The following DPP6 variants were observed in gnomAD, a reference collection of about 807,000 sequenced individuals.
DPP6 encodes the protein dipeptidyl peptidase like 6, also known as A-type potassium channel modulatory protein DPP6.
Under a neutral mutation model 122.6 loss-of-function variants are expected in DPP6, and 69 were observed. The observed-to-expected ratio is 0.56, with a 90% confidence interval of 0.46 to 0.69. The LOEUF is 0.69. Among genes scored for constraint, DPP6 ranks in the 30% least tolerant of loss-of-function variants. The pLI is 0.00. For synonymous variants in DPP6, 418 were observed against 433.1 expected (o/e 0.97, Z 0.43); for missense variants, 928 against 1,116.9 (o/e 0.83, Z 2.41).
chr7:154,417,393 A>C (rs1455090979), intron 1 of DPP6, among the ~76,000 whole-genome samples: 2 of 152,220 alleles, frequency 1.3e-5, no homozygotes, highest in African/African-American at 2.4e-5. Flanking sequence ...ATTTAAATGC[A>C]CAAGCCCCTA....
chr7:154,239,095 A>T (rs555495588), intron 1 of DPP6, among the ~76,000 whole-genome samples: 42 of 152,354 alleles, frequency 2.8e-4, no homozygotes, highest in African/African-American at 1.0e-3. Flanking sequence ...CAAGCTCCAC[A>T]AGAATGTTTT....
intron 1 of DPP6, among the ~76,000 whole-genome samples, chr7:154,149,670 A>G (rs529756208): frequency 6.6e-6 from 1 of 152,234 alleles, no homozygotes; most frequent in Non-Finnish European, 1.5e-5. Context: ...AAGAAGAAAC[A>G]GAAAAGATTA....
intron 1 of DPP6, among the ~76,000 whole-genome samples, chr7:154,262,661 A>G (rs1463786499): frequency 4.0e-5 from 4 of 99,038 alleles, no homozygotes; most frequent in African/African-American, 2.1e-4. Context: ...AGTTCAAAAA[A>G]AAAAAAAAAA....
intron 3 of DPP6, among the ~76,000 whole-genome samples, chr7:154,536,990 A>G (rs1357777280): frequency 1.3e-5 from 2 of 152,198 alleles, no homozygotes; most frequent in Non-Finnish European, 2.9e-5. Context: ...GAAAATATAT[A>G]GGAGAACATT....
At chr7:154,882,367 C>T (rs762496764) in intron 21 of DPP6, among the ~76,000 whole-genome samples, 10 of 152,214 alleles carry the variant, frequency 6.6e-5, no homozygotes, top group Non-Finnish European at 1.2e-4. Flanking sequence ...GGATCCCGGG[C>T]GTCTTTCCAG....
At chr7:153,937,155 CTGGTCTCAAGT>C (rs1448003480) in intron 1 of DPP6, among the ~76,000 whole-genome samples, 1 of 152,150 alleles carries the variant, frequency 6.6e-6, no homozygotes, top group Non-Finnish European at 1.5e-5. Context: ...GGAAAGTAGT[CTGGTCTCAAGT>C]TCTAGGGCCA....
intron 3 of DPP6, among the ~76,000 whole-genome samples, chr7:154,536,173 A>G (rs1347980239): frequency 6.6e-6 from 1 of 152,158 alleles, no homozygotes; most frequent in Non-Finnish European, 1.5e-5. Context: ...CATTATGGTA[A>G]GTGAAAGGAG....
chr7:154,599,789 C>A (rs1359172307), intron 5 of DPP6, among the ~76,000 whole-genome samples: 5 of 151,780 alleles, frequency 3.3e-5, no homozygotes, highest in African/African-American at 4.8e-5. Context: ...TCTGTTCTTG[C>A]GATAGTTTGC....
intron 3 of DPP6, among the ~76,000 whole-genome samples, chr7:154,530,619 A>G (rs1827767087): frequency 1.3e-5 from 2 of 152,328 alleles, no homozygotes; most frequent in South Asian, 2.1e-4. Context: ...AATACCATTT[A>G]ACCTTGCAGT....
the DPP6 span, among the ~76,000 whole-genome samples, chr7:153,772,127 G>C: frequency 2.6e-5 from 4 of 152,096 alleles, no homozygotes; most frequent in African/African-American, 7.2e-5. Flanking sequence ...TCTGTTGCCC[G>C]GGCTGGAGTC....
At chr7:154,617,804 C>A (rs963428335) in intron 5 of DPP6, among the ~76,000 whole-genome samples, 1 of 152,062 alleles carries the variant, frequency 6.6e-6, no homozygotes, top group African/African-American at 2.4e-5. Flanking sequence ...GAGTCCAGGC[C>A]AATGGAAAAC....
chr7:154,695,009 A>G (rs543702387), intron 7 of DPP6, among the ~76,000 whole-genome samples: 27 of 152,360 alleles, frequency 1.8e-4, no homozygotes, highest in African/African-American at 5.8e-4. Flanking sequence ...TGAGATTTGC[A>G]TAGACAACAT....
rs143697627 is a variant in DPP6, at chr7:154,503,761, C to G, written c.457+28724C>G. The stretch of plus-strand genomic sequence containing the variant: ...CTGAGGCTTACAGATGTTTTTGAGA[C>G]TTAAAGAATTGACACGTCAGTCTCT... On this transcript the variant is annotated intron_variant, in intron 3 of 25. Coordinates refer to ENST00000377770, the MANE Select transcript of DPP6 (RefSeq NM_130797.4). Among the ~76,000 whole-genome samples, 62 of 152,216 alleles carry G rather than the reference C, an allele frequency of 4.1e-4. No homozygotes were observed. The East Asian group carries it at 0.011, about 27-fold the overall frequency.
chr7:153,766,936 C>A, the DPP6 span, among the ~76,000 whole-genome samples: 3 of 152,118 alleles, frequency 2.0e-5, no homozygotes, highest in Admixed American at 1.3e-4. Flanking sequence ...TTGAAAAAAT[C>A]AGTGACTGAG....
At chr7:154,088,207 C>G (rs1194276688) in intron 1 of DPP6, among the ~76,000 whole-genome samples, 2 of 152,068 alleles carry the variant, frequency 1.3e-5, no homozygotes, top group Non-Finnish European at 1.5e-5. Context: ...TAGGGCTTTG[C>G]TCTGGGAGGG....
In DPP6 at chr7:154,423,847, T is replaced by G. The variant is rs1301748051; in HGVS notation, c.244-22367T>G. Among the ~76,000 whole-genome samples, 4 of 152,314 alleles carry G rather than the reference T, an allele frequency of 2.6e-5. No homozygotes were observed. In the East Asian group the frequency reaches 7.7e-4, roughly 29 times the overall value. ...TTTTGATTTCATTGTTTAAAGCAAATTTTGGAAAGAACTATTGAGTGCAAG... is the reference window on the plus strand; with the variant it reads ...TTTTGATTTCATTGTTTAAAGCAAAGTTTGGAAAGAACTATTGAGTGCAAG... On this transcript the variant is annotated intron_variant, in intron 1 of 25. Coordinates refer to ENST00000377770, the MANE Select transcript of DPP6 (RefSeq NM_130797.4).
intron 1 of DPP6, among the ~76,000 whole-genome samples, chr7:154,328,577 T>G (rs1808645719): frequency 6.6e-6 from 1 of 152,170 alleles, no homozygotes; most frequent in Non-Finnish European, 1.5e-5. Context: ...AGGGGAAGCT[T>G]TGAGAATCCT....
In DPP6 at chr7:154,017,426, A is replaced by G. The variant is rs527423969; in HGVS notation, c.51+129692A>G. Among the ~76,000 whole-genome samples, 4 of 152,208 alleles carry G rather than the reference A, an allele frequency of 2.6e-5. No individual in the cohort carries two copies. The South Asian group carries it at 8.3e-4, about 32-fold the overall frequency. On this transcript the variant is annotated intron_variant, in intron 1 of 25. Transcript: ENST00000404039. Reference sequence around the variant, plus strand: ...TCAAAATATCTAGAGGAGGCTGGGCATGGTGGCTCACACTTATAATCCCAG... The same window carrying G: ...TCAAAATATCTAGAGGAGGCTGGGCGTGGTGGCTCACACTTATAATCCCAG...
chr7:154,492,992 T>C (rs192194883), intron 3 of DPP6, among the ~76,000 whole-genome samples: 2 of 152,310 alleles, frequency 1.3e-5, no homozygotes, highest in Admixed American at 1.3e-4. Context: ...TTCTTAAACA[T>C]GGCCCAGTGA....
Sources: gnomAD v4.1 joint callset for allele counts (sites outside exome capture counted in the v4.1 genomes callset) on GRCh38, gnomAD v4.1.1 for gene constraint, MANE v1.5 for transcripts, NCBI Gene and HGNC (gene_info 2026-07-23, HGNC 2026-07-21) for gene names.